Variants in TXNDC11 observed in about 807,000 individuals in gnomAD.
TXNDC11 encodes the protein thioredoxin domain-containing protein 11.
A neutral mutation model predicts 78.0 loss-of-function variants in TXNDC11; 68 were observed. That is an observed-to-expected ratio of 0.87 (90% CI 0.72 to 1.07). TXNDC11 has a LOEUF of 1.07. TXNDC11 is among the 50% of genes least tolerant of loss of function. TXNDC11 has a pLI of 0.00. For missense variants in TXNDC11, 1,389 were observed against 1,221.8 expected, an observed-to-expected ratio of 1.14 and a Z score of -2.04; for synonymous variants, 571 against 495.2, an observed-to-expected ratio of 1.15 and a Z score of -2.03.
At position 11,709,423 on chromosome 16, in the gene TXNDC11, A is replaced by ATTTTTTTT. The variant is rs149701958; in HGVS notation, c.794-8867_794-8860dup. 1.6e-4 allele frequency among the ~76,000 whole-genome samples: 9 copies of ATTTTTTTT among 55,572 alleles called. 1 individual carries two copies. Among genetic ancestry groups the ATTTTTTTT allele is most frequent in the African/African-American group, 5.5e-4 (7 of 12,752 alleles). 36.5% of individuals were successfully genotyped at this position (55,572 alleles called of 152,430 possible). A position where few individuals can be genotyped will look rare whatever the true frequency, so the allele number is the denominator to read the frequency against. ...CCACCATGCGTAGCTAATTTTTTGT[A>ATTTTTTTT]TTTTTTTTTTTTTTTTTTTTTTTTT... On this transcript the variant is annotated intron_variant, in intron 5 of 11. Coordinates refer to ENST00000283033, the MANE Select transcript of TXNDC11 (RefSeq NM_015914.7).
intron 3 of TXNDC11, among the ~76,000 whole-genome samples, chr16:11,731,059 A>G (rs2052030701): frequency 1.3e-5 from 2 of 151,802 alleles, no homozygotes; most frequent in South Asian, 4.2e-4. Flanking sequence ...CTTATCTCTG[A>G]AAAAAAAATT....
At chr16:11,723,310 TGCCCTGGCTCAC>T (rs2051768667) in intron 4 of TXNDC11, among the ~76,000 whole-genome samples, 1 of 151,722 alleles carries the variant, frequency 6.6e-6, no homozygotes, top group African/African-American at 2.4e-5. Context: ...CTCACTCTGT[TGCCCTGGCTCAC>T]GCCTGTAATC....
chr16:11,711,129 A>G (rs2051340150), intron 5 of TXNDC11, among the ~76,000 whole-genome samples: 1 of 152,060 alleles, frequency 6.6e-6, no homozygotes. Flanking sequence ...AAAACATTAC[A>G]TTTAAAGCAG....
intron 2 of TXNDC11, among the ~76,000 whole-genome samples, chr16:11,734,588 G>A (rs1475605319): frequency 6.6e-6 from 1 of 152,194 alleles, no homozygotes; most frequent in Non-Finnish European, 1.5e-5. Context: ...TGGCACACCA[G>A]AATATCATTA....
At position 11,679,143 on chromosome 16, in the gene TXNDC11, A is replaced by G. The variant is rs1206414745; in HGVS notation, c.*52T>C. Reference sequence around the variant, plus strand: ...AAATTTCAATAAAATTTGCATAAATATATTCCCAATGTACAATTTTCACCT... The same window carrying G: ...AAATTTCAATAAAATTTGCATAAATGTATTCCCAATGTACAATTTTCACCT... On this transcript the variant is annotated 3_prime_UTR_variant, in exon 12 of 12. Transcript: ENST00000283033. The surrounding 1 kb of genome is among the most constrained non-coding windows in gnomAD (Gnocchi z 4.6). 1.3e-6 allele frequency: 2 copies of G among 1,562,348 alleles called. No homozygotes were observed. Among genetic ancestry groups the G allele is most frequent in the Admixed American group, 1.9e-5 (1 of 52,288 alleles).
intron 7 of TXNDC11, among the ~76,000 whole-genome samples, chr16:11,694,253 G>A (rs2050799444): frequency 6.6e-6 from 1 of 151,834 alleles, no homozygotes; most frequent in South Asian, 2.1e-4. Context: ...GGGATTACAG[G>A]CATGCATCAC....
intron 8 of TXNDC11, chr16:11,690,049 G>A (rs902051415): frequency 3.3e-5 from 5 of 152,110 alleles, no homozygotes; most frequent in Non-Finnish European, 7.3e-5. Context: ...TTTGAAAGAG[G>A]ATGGCTAAAA....
intron 5 of TXNDC11, among the ~76,000 whole-genome samples, chr16:11,720,416 AT>A (rs35998980): frequency 0.07 from 9,904 of 140,594 alleles, 344 homozygotes; most frequent in South Asian, 0.18. Flanking sequence ...TGATGTAATA[AT>A]TTTTTTTTTT....
At chr16:11,688,539 A>C in intron 8 of TXNDC11, 94 bp from the exon 9 acceptor site, 2 of 1,048,984 alleles carry the variant, frequency 1.9e-6, no homozygotes, top group Non-Finnish European at 2.7e-6. Context: ...AACTCAAATG[A>C]CTTCATAGGC....
chr16:11,736,453 T>A (rs1291844827), intron 1 of TXNDC11, among the ~76,000 whole-genome samples: 1 of 152,172 alleles, frequency 6.6e-6, no homozygotes. Flanking sequence ...AGGTGTAGGC[T>A]GGAAGGGCAG....
chr16:11,687,137 T>C (rs932723348), intron 10 of TXNDC11, among the ~76,000 whole-genome samples: 1 of 152,252 alleles, frequency 6.6e-6, no homozygotes, highest in Non-Finnish European at 1.5e-5. Flanking sequence ...GTATTTCTAG[T>C]GGAATCTGTC....
At chr16:11,740,872 A>C (rs568470258) in intron 1 of TXNDC11, among the ~76,000 whole-genome samples, 1 of 152,228 alleles carries the variant, frequency 6.6e-6, no homozygotes, top group Non-Finnish European at 1.5e-5. Context: ...TAGGCTCTCA[A>C]TTATGTACTA....
chr16:11,686,773 G>T (rs8057398), intron 10 of TXNDC11, among the ~76,000 whole-genome samples: 79,785 of 151,980 alleles, frequency 0.52, 21,363 homozygotes, highest in Middle Eastern at 0.62. Context: ...GAATGGAATC[G>T]GTCTCAGCCA....
chr16:11,693,710 C>A (rs1414092155), intron 7 of TXNDC11, among the ~76,000 whole-genome samples: 1 of 152,128 alleles, frequency 6.6e-6, no homozygotes, highest in African/African-American at 2.4e-5. Flanking sequence ...AGATGATAGG[C>A]CAGTGCTTGA....
intron 11 of TXNDC11, among the ~76,000 whole-genome samples, chr16:11,681,532 A>C (rs934245810): frequency 6.6e-6 from 1 of 152,228 alleles, no homozygotes; most frequent in Admixed American, 6.5e-5. Flanking sequence ...CAGTCATGTG[A>C]AACTATGGTG....
At chr16:11,737,851 C>CA (rs538318388) in intron 1 of TXNDC11, among the ~76,000 whole-genome samples, 4,007 of 50,860 alleles carry the variant, frequency 0.079, 169 homozygotes, top group African/African-American at 0.16. Flanking sequence ...CTACGTCTCT[C>CA]AAAAAAAAAA....
chr16:11,729,744 A>G (rs899054359), intron 4 of TXNDC11, among the ~76,000 whole-genome samples: 1 of 152,136 alleles, frequency 6.6e-6, no homozygotes, highest in Non-Finnish European at 1.5e-5. Flanking sequence ...TTGAGGCTAC[A>G]TCTTTCAATA....
chr16:11,723,013 T>G (rs142929232), intron 4 of TXNDC11, among the ~76,000 whole-genome samples: 2,348 of 152,232 alleles, frequency 0.015, 29 homozygotes, highest in Non-Finnish European at 0.018. Context: ...TCGCAGCACT[T>G]TGGGAGACCT....
chr16:11,711,024 G>C (rs1344899126), intron 5 of TXNDC11, among the ~76,000 whole-genome samples: 2 of 152,024 alleles, frequency 1.3e-5, no homozygotes, highest in Non-Finnish European at 2.9e-5. Flanking sequence ...AGGACGTCCA[G>C]TGTGCCGGAC....
Sources: gnomAD v4.1 joint callset for allele counts (sites outside exome capture counted in the v4.1 genomes callset) on GRCh38, gnomAD v4.1.1 for gene constraint, Gnocchi (gnomAD v3.1) non-coding constraint, MANE v1.5 for transcripts, NCBI Gene and HGNC (gene_info 2026-07-23, HGNC 2026-07-21) for gene names.